DGCR8: variants seen among roughly 807,000 people sequenced by gnomAD.
DGCR8 encodes the protein DGCR8 microprocessor complex subunit.
A neutral mutation model predicts 78.5 loss-of-function variants in DGCR8; 14 were observed. That is an observed-to-expected ratio of 0.18 (90% CI 0.12 to 0.28). DGCR8 has a LOEUF of 0.28. DGCR8 is among the 10% of genes least tolerant of loss of function. The pLI, the probability that DGCR8 is intolerant of heterozygous loss-of-function variation, is 1.00. For synonymous variants in DGCR8, 399 were observed against 402.4 expected (o/e 0.99, Z 0.10); for missense variants, 702 against 1,022.5 (o/e 0.69, Z 4.28).
At chr22:20,100,293 T>A in intron 9 of DGCR8, 1 of 923,088 alleles carries the variant, frequency 1.1e-6, no homozygotes, top group South Asian at 5.0e-5. Context: ...TCTCTATCTC[T>A]TGACCTCGTG....
chr22:20,083,784 C>T (rs545089577), intron 1 of DGCR8, among the ~76,000 whole-genome samples: 3 of 152,246 alleles, frequency 2.0e-5, no homozygotes, highest in East Asian at 3.9e-4. Flanking sequence ...ATTGACCCCT[C>T]GGTCTGTTTT....
rs371081026 is a variant in DGCR8 at position 20,087,125 on chromosome 22, G to T, written c.721-37G>T. Reference sequence around the variant, plus strand: ...GCTCTCCTGTTGCAGGAGCATGAGCGCCAGGGGCTCTGGTGTCTGAACAGC... The same window carrying T: ...GCTCTCCTGTTGCAGGAGCATGAGCTCCAGGGGCTCTGGTGTCTGAACAGC... On this transcript the variant is annotated intron_variant, in intron 2 of 13. Transcript: ENST00000351989. The surrounding 1 kb of genome is among the most constrained non-coding windows in gnomAD (Gnocchi z 4.1). The T allele has an allele frequency of 6.3e-7, 1 of 1,576,478 alleles. No homozygotes were observed. Among genetic ancestry groups the T allele is most frequent in the African/African-American group, 1.4e-5 (1 of 73,988 alleles).
At chr22:20,083,253 G>C (rs957743234) in intron 1 of DGCR8, among the ~76,000 whole-genome samples, 1 of 151,790 alleles carries the variant, frequency 6.6e-6, no homozygotes, top group Non-Finnish European at 1.5e-5. Flanking sequence ...AATACTTCTT[G>C]GCATGTGACA....
chr22:20,100,589 A>G, intron 9 of DGCR8: 1 of 985,302 alleles, frequency 1.0e-6, no homozygotes, highest in Non-Finnish European at 1.2e-6. Context: ...ATGTCCATGA[A>G]CCACTGTGGT....
chr22:20,106,054 T>C, intron 9 of DGCR8, 123 bp from the exon 10 acceptor site: 1 of 713,160 alleles, frequency 1.4e-6, no homozygotes, highest in Non-Finnish European at 2.5e-6. Flanking sequence ...AGTTGAGGTA[T>C]GAAGTGCTAG....
At chr22:20,080,547 A>C in intron 1 of DGCR8, 164 bp downstream of exon 1, 2 of 927,910 alleles carry the variant, frequency 2.2e-6, no homozygotes, top group Non-Finnish European at 2.6e-6. Flanking sequence ...GGCGGTGGAG[A>C]GCGCGGGGTG....
chr22:20,091,365 A>T (rs559126853), intron 5 of DGCR8, 70 bp from the exon 6 acceptor site: 1 of 1,510,966 alleles, frequency 6.6e-7, no homozygotes, highest in Admixed American at 1.7e-5. Flanking sequence ...TGCCCCATGC[A>T]CTGGGCTGTG....
intron 11 of DGCR8, 111 bp from the exon 12 acceptor site, chr22:20,107,160 T>C: frequency 8.2e-7 from 1 of 1,217,180 alleles, no homozygotes; most frequent in Non-Finnish European, 1.2e-6. Flanking sequence ...CTGTAGAATG[T>C]GCCCTGGCTG....
chr22:20,100,676 G>C, intron 9 of DGCR8: 1 of 985,398 alleles, frequency 1.0e-6, no homozygotes. Context: ...GAAGTGGAGA[G>C]GCTTTGCAGA....
rs920081592 is a variant in DGCR8 at position 20,106,758 on chromosome 22, T to C, written c.1996+60T>C. 4.2e-6 allele frequency: 5 copies of C among 1,184,482 alleles called. No homozygotes were observed. The Admixed American group carries it at 5.1e-5, about 12-fold the overall frequency. 73.4% of individuals were successfully genotyped at this position (1,184,482 alleles called of 1,614,324 possible). A position where few individuals can be genotyped will look rare whatever the true frequency, so the allele number is the denominator to read the frequency against. The stretch of plus-strand genomic sequence containing the variant: ...GGGCGGGCGGCCCCTGGTGTGGCCC[T>C]GCGCCTCTGTGGCTTGGTCTCAGCT... On this transcript the variant is annotated intron_variant, in intron 11 of 13. Coordinates refer to ENST00000351989, the MANE Select transcript of DGCR8 (RefSeq NM_022720.7).
chr22:20,091,666 G>A (rs755333747), intron 6 of DGCR8, 34 bp downstream of exon 6: 4 of 1,601,954 alleles, frequency 2.5e-6, no homozygotes, highest in East Asian at 2.2e-5. Context: ...TCAGCAGACT[G>A]GTTATGCTGT....
intron 9 of DGCR8, chr22:20,101,935 T>A (rs1488973941): frequency 2.0e-6 from 2 of 985,244 alleles, no homozygotes; most frequent in Non-Finnish European, 2.4e-6. Flanking sequence ...CACGCGTGTA[T>A]GCTACTTGAT....
chr22:20,080,656 G>A (rs2147909055), intron 1 of DGCR8: 2 of 246,362 alleles, frequency 8.1e-6, no homozygotes, highest in Non-Finnish European at 1.3e-5. Flanking sequence ...CGGAGGGCCC[G>A]AAGCCTAGCA....
At chr22:20,101,151 C>T in intron 9 of DGCR8, 5 of 965,188 alleles carry the variant, frequency 5.2e-6, no homozygotes, top group Non-Finnish European at 6.2e-6. Flanking sequence ...TCAGGAAATC[C>T]TCAGGGTTTT....
At position 20,090,186 on chromosome 22, in the gene DGCR8, G is replaced by A. The variant is rs746210066; in HGVS notation, c.1234G>A (p.Gly412Arg). 1.2e-6 allele frequency: 2 copies of A among 1,614,258 alleles called. No individual in the cohort carries two copies. Among genetic ancestry groups the A allele is most frequent in the Non-Finnish European group, 1.7e-6 (2 of 1,180,048 alleles). The change falls in exon 5 of 14, where the codon GGG (glycine) becomes AGG (arginine). Residue 412 changes from glycine (G) to arginine (R), a missense_variant. Around this residue, in one of 4 missense-constraint regions of DGCR8, gnomAD observed 119 missense variants for 126.1 expected, o/e 0.94. Transcript: ENST00000351989. Reference sequence around the variant, plus strand: ...GCCCCCGGACGAGAAAGACCCACTAGGGGCTGAGGCAGCCCCTGGGGCCCT... The same window carrying A: ...GCCCCCGGACGAGAAAGACCCACTAAGGGCTGAGGCAGCCCCTGGGGCCCT... ...PGPPDEKDPL[G>R]AEAAPGALGQ...
rs3827291 is a variant in DGCR8 at position 20,085,315 on chromosome 22, C to A, written c.-277-372C>A. Reference sequence around the variant, plus strand: ...CTCTGGTGGCCTGAGGGAGGCCACGCGCCTTCTGTGTGTTCCAGAAAGGGT... The same window carrying A: ...CTCTGGTGGCCTGAGGGAGGCCACGAGCCTTCTGTGTGTTCCAGAAAGGGT... On this transcript the variant is annotated intron_variant, in intron 1 of 13. Transcript: ENST00000351989. The surrounding 1 kb of genome is among the most constrained non-coding windows in gnomAD (Gnocchi z 6.2). Among the ~76,000 whole-genome samples, 2 of 152,150 alleles carry A rather than the reference C, an allele frequency of 1.3e-5. No individual in the cohort carries two copies. The highest frequency in any genetic ancestry group is 2.9e-5 in the Non-Finnish European group (2 of 68,024).
rs766278799 is a variant in DGCR8, at chr22:20,106,576, C to T, written c.1890-16C>T. On this transcript the variant is annotated splice_polypyrimidine_tract_variant and intron_variant, in intron 10 of 13. Transcript: ENST00000351989. ...CTGCTCAGGGGACGCCATCTGTTGT[C>T]TGTTTTCTCTTAAAGAAACCATGGG... 4 of 1,593,758 alleles carry T rather than the reference C, an allele frequency of 2.5e-6. No individual in the cohort carries two copies. The Admixed American group carries it at 6.7e-5, about 27-fold the overall frequency.
intron 13 of DGCR8, among the ~76,000 whole-genome samples, 186 bp from the exon 14 acceptor site, chr22:20,109,839 T>C (rs1397981265): frequency 1.3e-5 from 2 of 152,214 alleles, no homozygotes; most frequent in African/African-American, 4.8e-5. Flanking sequence ...AGGGGGCCTC[T>C]GCAATCTCAG....
rs558402831 is a variant in DGCR8, at chr22:20,108,699, G to C, written c.2125-191G>C. ...GGACTGCCCCTCGCTCTCTGCTGCT[G>C]TCAGTGGGCCTGGCATCACTGAGGC... On this transcript the variant is annotated intron_variant, in intron 12 of 13. Coordinates refer to ENST00000351989, the MANE Select transcript of DGCR8 (RefSeq NM_022720.7). 2.2e-5 allele frequency: 10 copies of C among 458,518 alleles called. No individual in the cohort carries two copies. The Admixed American group carries it at 3.2e-4, about 15-fold the overall frequency. The allele number at this position is 458,518 out of a possible 1,614,324, so 28.4% of individuals were successfully genotyped here. A position where few individuals can be genotyped will look rare whatever the true frequency, so the allele number is the denominator to read the frequency against.
Sources: allele counts gnomAD v4.1 joint callset (sites outside exome capture counted in the v4.1 genomes callset), GRCh38; gene constraint gnomAD v4.1.1; regional missense constraint gnomAD v4.1.1; non-coding constraint Gnocchi (gnomAD v3.1); transcripts MANE v1.5; gene names NCBI Gene and HGNC (gene_info 2026-07-23, HGNC 2026-07-21).